MPPED1: variants seen among roughly 807,000 people sequenced by gnomAD.
MPPED1 encodes metallophosphoesterase domain-containing protein 1.
Under a neutral mutation model 36.2 loss-of-function variants are expected in MPPED1, and 16 were observed. The ratio of observed to expected loss-of-function variants is 0.44; its 90% CI spans 0.30 to 0.67. The LOEUF (loss-of-function observed/expected upper bound fraction) is 0.67, where lower values mean the gene tolerates loss of function less well. Ranked by LOEUF, MPPED1 falls within the 30% of genes least tolerant of loss-of-function variation. MPPED1 has a pLI of 0.10. For synonymous variants in MPPED1, 199 were observed against 191.3 expected (o/e 1.04, Z -0.33); for missense variants, 307 against 453.4 (o/e 0.68, Z 2.93).
intron 3 of MPPED1, among the ~76,000 whole-genome samples, chr22:43,455,073 T>C (rs1267958209): frequency 6.6e-6 from 1 of 151,742 alleles, no homozygotes; most frequent in Non-Finnish European, 1.5e-5. Flanking sequence ...GTCTTCTCAC[T>C]GTGTCCTCAT....
At chr22:43,500,962 G>C (rs974922112) in intron 5 of MPPED1, among the ~76,000 whole-genome samples, 1 of 152,054 alleles carries the variant, frequency 6.6e-6, no homozygotes, top group Admixed American at 6.5e-5. Flanking sequence ...AGGGTGTGGG[G>C]TGAGGCGCAG....
chr22:43,491,255 G>C (rs1932073003), intron 4 of MPPED1, among the ~76,000 whole-genome samples: 1 of 152,202 alleles, frequency 6.6e-6, no homozygotes, highest in African/African-American at 2.4e-5. Flanking sequence ...AATGATGGTA[G>C]TGGTGATATA....
At position 43,506,796 on chromosome 22, in the gene MPPED1, G is replaced by C. The variant is rs1932824397; in HGVS notation, c.*1180G>C. The C allele has an allele frequency of 6.6e-6, 1 of 152,220 alleles. No homozygotes were observed. Among genetic ancestry groups the C allele is most frequent in the Admixed American group, 6.5e-5 (1 of 15,286 alleles). The allele number at this position is 152,220 out of a possible 1,614,324, so 9.4% of individuals were successfully genotyped here. A position where few individuals can be genotyped will look rare whatever the true frequency, so the allele number is the denominator to read the frequency against. ...GTAGGGCCTAGATGAGGGGCAGGCA[G>C]TCAGGCAGAAATGGGCAAGTTCAGG... On this transcript the variant is annotated 3_prime_UTR_variant, in exon 7 of 7. Coordinates refer to ENST00000443721, the MANE Select transcript of MPPED1 (RefSeq NM_001044370.2).
intron 4 of MPPED1, among the ~76,000 whole-genome samples, chr22:43,481,243 A>G (rs2146893156): frequency 6.6e-6 from 1 of 152,226 alleles, no homozygotes; most frequent in African/African-American, 2.4e-5. Flanking sequence ...GTTTTTCCAC[A>G]TGGACACCCT....
intron 1 of MPPED1, 97 bp downstream of exon 1, chr22:43,412,255 G>C: frequency 1.3e-6 from 1 of 795,830 alleles, no homozygotes; most frequent in Non-Finnish European, 1.5e-6. Flanking sequence ...GACGCCCGCG[G>C]CGCTGCGCAG....
chr22:43,457,364 T>G (rs1050808907), intron 3 of MPPED1, among the ~76,000 whole-genome samples: 10 of 151,190 alleles, frequency 6.6e-5, no homozygotes, highest in Non-Finnish European at 1.5e-4. Flanking sequence ...TTGTATATCT[T>G]TTTCATTCTT....
chr22:43,436,654 C>A (rs1056601577), intron 3 of MPPED1, among the ~76,000 whole-genome samples: 3 of 152,244 alleles, frequency 2.0e-5, no homozygotes, highest in Admixed American at 2.0e-4. Context: ...GCCCCTTCCC[C>A]GAGGGAGGCT....
intron 4 of MPPED1, among the ~76,000 whole-genome samples, chr22:43,491,155 T>G (rs1932069619): frequency 6.6e-6 from 1 of 152,238 alleles, no homozygotes; most frequent in Admixed American, 6.5e-5. Context: ...AAATGCAATT[T>G]GAAAGACCCT....
intron 4 of MPPED1, among the ~76,000 whole-genome samples, chr22:43,476,970 A>G (rs1009573192): frequency 1.3e-5 from 2 of 152,188 alleles, no homozygotes; most frequent in African/African-American, 4.8e-5. Context: ...GCACACACAC[A>G]GCCTGTGCCA....
At chr22:43,485,468 ACACT>A (rs533154485) in intron 4 of MPPED1, among the ~76,000 whole-genome samples, 42 of 152,032 alleles carry the variant, frequency 2.8e-4, no homozygotes, top group Admixed American at 2.5e-3. Flanking sequence ...ACACACATAC[ACACT>A]CACACAGTCA....
At chr22:43,470,108 A>C (rs1171607936) in intron 3 of MPPED1, among the ~76,000 whole-genome samples, 1 of 92,302 alleles carries the variant, frequency 1.1e-5, no homozygotes, top group Non-Finnish European at 2.2e-5. Context: ...TCCATAAATC[A>C]TCCATCCATC....
At chr22:43,441,304 T>C (rs1930140438) in intron 3 of MPPED1, among the ~76,000 whole-genome samples, 1 of 152,152 alleles carries the variant, frequency 6.6e-6, no homozygotes, top group African/African-American at 2.4e-5. Flanking sequence ...CAATCATCTA[T>C]TGTGATTGTG....
At chr22:43,450,693 C>G (rs145464088) in intron 3 of MPPED1, among the ~76,000 whole-genome samples, 215 of 152,130 alleles carry the variant, frequency 1.4e-3, no homozygotes, top group African/African-American at 4.8e-3. Context: ...AAATGCCTGG[C>G]ATAGAGTAGA....
rs1246534303 is a variant in MPPED1, at chr22:43,461,730, G to C, written c.407-13006G>C. On this transcript the variant is annotated intron_variant, in intron 3 of 6. Coordinates refer to ENST00000443721, the MANE Select transcript of MPPED1 (RefSeq NM_001044370.2). Reference sequence around the variant, plus strand: ...TGAGAAATATTTAATGAAAAAACCTGAGAATATATGTCTAAGTGGTTGTGA... The same window carrying C: ...TGAGAAATATTTAATGAAAAAACCTCAGAATATATGTCTAAGTGGTTGTGA... Among the ~76,000 whole-genome samples the C allele has an allele frequency of 8.5e-5, 13 of 152,134 alleles. 1 individual carries two copies.
chr22:43,425,270 G>A (rs1434731752), intron 2 of MPPED1, 61 bp downstream of exon 2: 1 of 1,480,588 alleles, frequency 6.8e-7, no homozygotes, highest in Non-Finnish European at 9.0e-7. Context: ...TGGGTGCATG[G>A]TCTCGGGTGC....
At chr22:43,486,710 A>G (rs1931922180) in intron 4 of MPPED1, among the ~76,000 whole-genome samples, 1 of 151,826 alleles carries the variant, frequency 6.6e-6, no homozygotes, top group African/African-American at 2.4e-5. Flanking sequence ...CTCAGCCTGC[A>G]CCCCGGGAAA....
Position 43,498,252 on chromosome 22 carries a change from G to T in MPPED1, c.650G>T (p.Gly217Val). The T allele has an allele frequency of 6.5e-7, 1 of 1,535,116 alleles. No homozygotes were observed. Among genetic ancestry groups the T allele is most frequent in the Non-Finnish European group, 8.7e-7 (1 of 1,146,428 alleles). ...TTCTACAGGCAGCCCTGGTTCTACGGCTGGGGCTTCAACCTCCCGCGAGGC... is the reference window on the plus strand; with the variant it reads ...TTCTACAGGCAGCCCTGGTTCTACGTCTGGGGCTTCAACCTCCCGCGAGGC... ...YGSPWQPWFY[G>V]WGFNLPRGQA... Residue 217 changes from glycine (G) to valine (V), a missense_variant, in exon 5 of 7, where the codon GGC (glycine) becomes GTC (valine). Coordinates refer to ENST00000443721, the MANE Select transcript of MPPED1 (RefSeq NM_001044370.2).
At chr22:43,470,257 A>G (rs985923391) in intron 3 of MPPED1, among the ~76,000 whole-genome samples, 1 of 149,462 alleles carries the variant, frequency 6.7e-6, no homozygotes, top group Non-Finnish European at 1.5e-5. Flanking sequence ...CAAAGCATCC[A>G]TTCATCCATC....
intron 4 of MPPED1, among the ~76,000 whole-genome samples, chr22:43,485,266 A>T (rs1237907426): frequency 1.3e-5 from 2 of 151,898 alleles, no homozygotes; most frequent in African/African-American, 4.8e-5. Flanking sequence ...TCACACACAC[A>T]TCCACACGCT....
Sources: gnomAD v4.1 joint callset for allele counts (sites outside exome capture counted in the v4.1 genomes callset) on GRCh38, gnomAD v4.1.1 for gene constraint, MANE v1.5 for transcripts, NCBI Gene and HGNC (gene_info 2026-07-23, HGNC 2026-07-21) for gene names.